The following RLN3 variants were observed in gnomAD, a reference collection of about 807,000 sequenced individuals.
RLN3 encodes the protein relaxin-3.
A neutral mutation model predicts 10.2 loss-of-function variants in RLN3; 13 were observed. The ratio of observed to expected loss-of-function variants is 1.28; its 90% CI spans 0.83 to 2.03. The LOEUF (loss-of-function observed/expected upper bound fraction) is 2.03, where lower values mean the gene tolerates loss of function less well. Ranked by LOEUF, RLN3 falls within the 30% of genes most tolerant of loss-of-function variation. The pLI, the probability that RLN3 is intolerant of heterozygous loss-of-function variation, is 0.00. For missense variants in RLN3, 191 were observed against 187.2 expected, an observed-to-expected ratio of 1.02 and a Z score of -0.12; for synonymous variants, 56 against 79.2, an observed-to-expected ratio of 0.71 and a Z score of 1.56.
In RLN3 at chr19:14,030,848, C is replaced by G; in HGVS notation, c.329C>G (p.Thr110Ser). 1.2e-6 allele frequency: 2 copies of G among 1,613,156 alleles called. No homozygotes were observed. Among genetic ancestry groups the G allele is most frequent in the Non-Finnish European group, 8.5e-7 (1 of 1,179,282 alleles). The change falls in exon 2 of 2, where the codon ACC (threonine) becomes AGC (serine). Residue 110 changes from threonine to serine, a missense_variant. Physicochemically the swap from Thr to Ser is moderately conservative, Grantham distance 58. Transcript: ENST00000431365. ...FYRGRPSWQG[T>S]PGVLRGSRDV... ...AGGGGGCGACCCAGCTGGCAAGGAA[C>G]CCCTGGGGTTCTTCGGGGCAGCCGA...
intron 1 of RLN3, among the ~76,000 whole-genome samples, chr19:14,029,109 G>A (rs12327666): frequency 0.065 from 9,915 of 152,078 alleles, 367 homozygotes; most frequent in African/African-American, 0.096. Context: ...AATCTTGCAG[G>A]ATTAAGTGGT....
intron 1 of RLN3, 22 bp downstream of exon 1, chr19:14,028,416 A>T (rs766570155): frequency 6.3e-7 from 1 of 1,594,166 alleles, no homozygotes; most frequent in South Asian, 1.1e-5. Flanking sequence ...GAGAGAGTGG[A>T]TGTAGAAGGG....
At chr19:14,029,839 T>TATA (rs1568496270) in intron 1 of RLN3, among the ~76,000 whole-genome samples, 3 of 150,304 alleles carry the variant, frequency 2.0e-5, no homozygotes, top group African/African-American at 7.3e-5. Context: ...TTATTATTAT[T>TATA]ATTTTTGAGA....
At chr19:14,029,937 C>T (rs1862982515) in intron 1 of RLN3, among the ~76,000 whole-genome samples, 1 of 151,804 alleles carries the variant, frequency 6.6e-6, no homozygotes, top group African/African-American at 2.4e-5. Context: ...AAGCAATTCT[C>T]CTGCCTCAGC....
Position 14,030,954 on chromosome 19 carries a change from G to A in RLN3, c.*6G>A. The A allele has an allele frequency of 6.5e-7, 1 of 1,543,320 alleles. No homozygotes were observed. Among genetic ancestry groups the A allele is most frequent in the Non-Finnish European group, 8.8e-7 (1 of 1,141,192 alleles). On this transcript the variant is annotated 3_prime_UTR_variant, in exon 2 of 2. Transcript: ENST00000431365. Reference sequence around the variant, plus strand: ...AAATCAGTAGCCTTTGCTAGTTTGAGGGCTGGGCAGCCGTGGGCACCAGGA... The same window carrying A: ...AAATCAGTAGCCTTTGCTAGTTTGAAGGCTGGGCAGCCGTGGGCACCAGGA...
At position 14,028,365 on chromosome 19, in the gene RLN3, G is replaced by T; in HGVS notation, c.161G>T (p.Arg54Leu). ...IFTCGGSRWR[R>L]SDILAHEAMG... ...ACCTGCGGGGGCTCCCGGTGGAGAC[G>T]ATCAGACATCCTGGCCCACGAGGCT... Residue 54 changes from arginine to leucine, a missense_variant, in exon 1 of 2, where the codon CGA becomes CTA. Coordinates refer to ENST00000431365, the MANE Select transcript of RLN3 (RefSeq NM_080864.4). 2 of 1,612,894 alleles carry T rather than the reference G, an allele frequency of 1.2e-6. No homozygotes were observed. The highest frequency in any genetic ancestry group is 1.1e-5 in the South Asian group (1 of 90,944).
Position 14,031,194 on chromosome 19 carries a change from C to G in RLN3, c.*246C>G, listed in dbSNP as rs925883421. On this transcript the variant is annotated 3_prime_UTR_variant, in exon 2 of 2. Coordinates refer to ENST00000431365, the MANE Select transcript of RLN3 (RefSeq NM_080864.4). ...GCCCCTGCCTGGTCAAGTGGGGACC[C>G]CCCCATCCTGACCCCTGACCTCTCC... The G allele has an allele frequency of 7.9e-6, 4 of 506,604 alleles. No individual in the cohort carries two copies. Among genetic ancestry groups the G allele is most frequent in the Non-Finnish European group, 1.4e-5 (4 of 284,574 alleles). 31.4% of individuals were successfully genotyped at this position (506,604 alleles called of 1,614,324 possible).
At chr19:14,029,355 ATT>A (rs60592967) in intron 1 of RLN3, among the ~76,000 whole-genome samples, 2 of 143,188 alleles carry the variant, frequency 1.4e-5, no homozygotes, top group Admixed American at 7.0e-5. Flanking sequence ...ATGTGCTACT[ATT>A]TTTTTTTTTT....
At position 14,030,112 on chromosome 19, in the gene RLN3, G is replaced by A. The variant is rs564785754; in HGVS notation, c.191-598G>A. 29 of 569,392 alleles carry A rather than the reference G, an allele frequency of 5.1e-5. No homozygotes were observed. The East Asian group carries it at 6.6e-4, about 13-fold the overall frequency. The allele number at this position is 569,392 out of a possible 1,614,324, so 35.3% of individuals were successfully genotyped here. A position where few individuals can be genotyped will look rare whatever the true frequency, so the allele number is the denominator to read the frequency against. ...GCTGGGATTACAGGTGTGAGACACC[G>A]TGCCCGGACTCAATAGTCATTTTTG... On this transcript the variant is annotated intron_variant, in intron 1 of 1. Transcript: ENST00000431365.
intron 1 of RLN3, among the ~76,000 whole-genome samples, chr19:14,028,981 G>A (rs1975758511): frequency 6.6e-6 from 1 of 151,966 alleles, no homozygotes; most frequent in Non-Finnish European, 1.5e-5. Flanking sequence ...GTCTCACTAT[G>A]TTGCCTAGGC....
rs1975764417 is a variant in RLN3 at position 14,029,456 on chromosome 19, A to G, written c.190+1062A>G. ...AACCTCCATCACCTGGGTTCAAGCG[A>G]TTCTCGTGCCTCCAGCCTCCCAAGT... On this transcript the variant is annotated intron_variant, in intron 1 of 1. Transcript: ENST00000431365. 2.6e-5 allele frequency among the ~76,000 whole-genome samples: 4 copies of G among 151,414 alleles called. No homozygotes were observed. In the Admixed American group the frequency reaches 2.6e-4, roughly 10 times the overall value.
intron 1 of RLN3, chr19:14,030,389 G>C: frequency 1.4e-6 from 1 of 702,208 alleles, no homozygotes; most frequent in Non-Finnish European, 2.6e-6. Context: ...GCTGGGTGCG[G>C]TGGCTCACGC....
chr19:14,030,780 C>T lies in RLN3; in HGVS notation c.261C>T (p.Ser87=), dbSNP rs753280688. 3 of 1,614,204 alleles carry T rather than the reference C, an allele frequency of 1.9e-6. No individual in the cohort carries two copies. The Admixed American group carries it at 5.0e-5, about 27-fold the overall frequency. The change falls in exon 2 of 2, where the codon TCC becomes TCT. Residue 87 remains serine, a synonymous_variant. Transcript: ENST00000431365. ...GCGAGCTGGATGAGGCCATGGGGTC[C>T]AGCGAGTGGCTGGCCCTGACCAAGT... ...LAGELDEAMG[S]SEWLALTKSP...
In RLN3 at chr19:14,030,722, C is replaced by T. The variant is rs374588531; in HGVS notation, c.203C>T (p.Pro68Leu). The part of the protein sequence containing the change: ...LAHEAMGDTF[P>L]DADADEDSLA... ...TCATCTTTTGCAGGAGATACCTTCC[C>T]GGATGCAGATGCTGATGAAGACAGT... The change falls in exon 2 of 2, where the codon CCG (proline) becomes CTG (leucine). Residue 68 changes from proline (P) to leucine (L), a missense_variant. Coordinates refer to ENST00000431365, the MANE Select transcript of RLN3 (RefSeq NM_080864.4). 23 of 1,613,994 alleles carry T rather than the reference C, an allele frequency of 1.4e-5. No homozygotes were observed. The highest frequency in any genetic ancestry group is 1.6e-4 in the Middle Eastern group (1 of 6,084).
intron 1 of RLN3, chr19:14,030,380 C>A (rs1975780597): frequency 4.4e-6 from 3 of 688,534 alleles, no homozygotes; most frequent in Non-Finnish European, 8.0e-6. Flanking sequence ...AATGACAGGG[C>A]TGGGTGCGGT....
rs201211116 is a variant in RLN3, at chr19:14,028,346, G to A, written c.142G>A (p.Gly48Arg). The A allele has an allele frequency of 1.4e-5, 23 of 1,613,680 alleles. No individual in the cohort carries two copies. The highest frequency in any genetic ancestry group is 1.9e-5 in the Non-Finnish European group (22 of 1,179,912). The change falls in exon 1 of 2, where the codon GGG becomes AGG. Residue 48 changes from glycine to arginine, a missense_variant. Physicochemically the swap from Gly to Arg is moderately radical, Grantham distance 125. Coordinates refer to ENST00000431365, the MANE Select transcript of RLN3 (RefSeq NM_080864.4). ...EFIRAVIFTC[G>R]GSRWRRSDIL... ...CATCCGAGCAGTCATCTTCACCTGC[G>A]GGGGCTCCCGGTGGAGACGATCAGA...
At chr19:14,029,840 A>ATTT (rs1318671034) in intron 1 of RLN3, among the ~76,000 whole-genome samples, 1 of 125,626 alleles carries the variant, frequency 8.0e-6, no homozygotes, top group Non-Finnish European at 1.8e-5. Context: ...TATTATTATT[A>ATTT]TTTTTGAGAC....
rs1172213199 is a variant in RLN3, at chr19:14,028,367, T to C, written c.163T>C (p.Ser55Pro). The C allele has an allele frequency of 6.2e-7, 1 of 1,612,400 alleles. No individual in the cohort carries two copies. Among genetic ancestry groups the C allele is most frequent in the Non-Finnish European group, 8.5e-7 (1 of 1,179,334 alleles). ...CTGCGGGGGCTCCCGGTGGAGACGA[T>C]CAGACATCCTGGCCCACGAGGCTAT... ...FTCGGSRWRR[S>P]DILAHEAMGD... Residue 55 changes from serine (S) to proline (P), a missense_variant, in exon 1 of 2, where the codon TCA (serine) becomes CCA (proline). Transcript: ENST00000431365.
At chr19:14,029,017 G>C (rs1975758935) in intron 1 of RLN3, among the ~76,000 whole-genome samples, 1 of 151,970 alleles carries the variant, frequency 6.6e-6, no homozygotes, top group South Asian at 2.1e-4. Flanking sequence ...GGGCTCAAGT[G>C]ATCCTCCCAC....
Sources: allele counts gnomAD v4.1 joint callset (sites outside exome capture counted in the v4.1 genomes callset), GRCh38; gene constraint gnomAD v4.1.1; transcripts MANE v1.5; gene names NCBI Gene and HGNC (gene_info 2026-07-23, HGNC 2026-07-21).